SUPV3L1: variants seen among roughly 807,000 people sequenced by gnomAD.
SUPV3L1 encodes the protein ATP-dependent RNA helicase SUPV3L1, mitochondrial.
A neutral mutation model predicts 70.0 loss-of-function variants in SUPV3L1; 35 were observed. That is an observed-to-expected ratio of 0.50 (90% confidence interval 0.38 to 0.66). The LOEUF (loss-of-function observed/expected upper bound fraction) is 0.66. Ranked by LOEUF, SUPV3L1 falls within the 30% of genes least tolerant of loss-of-function variation. The probability of loss-of-function intolerance (pLI) is 0.00; values close to 1 mark genes in which losing one functional copy is unlikely to be tolerated. For missense variants in SUPV3L1, 777 were observed against 961.5 expected (o/e 0.81, Z 2.54); for synonymous variants, 364 against 341.9 (o/e 1.06, Z -0.71).
In SUPV3L1 at chr10:69,199,205, A is replaced by G. The variant is rs760031175; in HGVS notation, c.1298+8A>G. 1.9e-6 allele frequency: 3 copies of G among 1,597,516 alleles called. No homozygotes were observed. The South Asian group carries it at 3.4e-5, about 18-fold the overall frequency. ...TGGCATGGGACTTAATTTGTAAGTA[A>G]TTTGTTTTTAATAAGATGAATATTT... On this transcript the variant is annotated splice_region_variant and intron_variant, in intron 10 of 14. Coordinates refer to ENST00000359655, the MANE Select transcript of SUPV3L1 (RefSeq NM_003171.5).
chr10:69,202,088 C>T (rs1377484865), intron 11 of SUPV3L1, among the ~76,000 whole-genome samples: 2 of 152,134 alleles, frequency 1.3e-5, no homozygotes, highest in Admixed American at 1.3e-4. Context: ...ATCCGCCCAC[C>T]TTGGCCTCCC....
intron 11 of SUPV3L1, 45 bp from the exon 12 acceptor site, chr10:69,202,393 GA>G (rs3215156): frequency 0.027 from 27,932 of 1,043,784 alleles, 7 homozygotes; most frequent in South Asian, 0.04. Context: ...TGTCCTTTTT[GA>G]AAAAAAAAAA....
intron 11 of SUPV3L1, among the ~76,000 whole-genome samples, chr10:69,200,792 A>G (rs1222369418): frequency 6.6e-6 from 1 of 152,204 alleles, no homozygotes; most frequent in Non-Finnish European, 1.5e-5. Context: ...ACAGGGAGAA[A>G]AGCAGTTTCT....
intron 6 of SUPV3L1, among the ~76,000 whole-genome samples, chr10:69,193,582 T>C (rs1842458419): frequency 6.6e-6 from 1 of 152,000 alleles, no homozygotes; most frequent in South Asian, 2.1e-4. Context: ...ACTTTTAAAT[T>C]TTTCTTTTGT....
chr10:69,205,451 T>G (rs572297652), intron 13 of SUPV3L1, among the ~76,000 whole-genome samples: 1 of 152,216 alleles, frequency 6.6e-6, no homozygotes. Flanking sequence ...CATAGCTCAC[T>G]GTAACCCCAA....
intron 4 of SUPV3L1, 44 bp downstream of exon 4, chr10:69,187,800 C>G (rs1842273055): frequency 1.6e-6 from 2 of 1,285,452 alleles, no homozygotes; most frequent in Non-Finnish European, 1.1e-6. Flanking sequence ...AGTTTCTAAT[C>G]TTGGATGATT....
At position 69,197,049 on chromosome 10, in the gene SUPV3L1, T is replaced by C. The variant is rs1205552704; in HGVS notation, c.989T>C (p.Met330Thr). The C allele has an allele frequency of 1.2e-6, 2 of 1,614,148 alleles. No homozygotes were observed. The highest frequency in any genetic ancestry group is 3.3e-5 in the Admixed American group (2 of 60,020). ...CGEPAAIDLV[M>T]ELMYTTGEEV... ...GAACCTGCTGCTATTGACCTGGTGA[T>C]GGAGCTTATGTACACAACGGGGGAG... is the stretch of plus-strand genomic sequence containing the variant. The change falls in exon 8 of 15, where the codon ATG becomes ACG. Residue 330 changes from methionine (M) to threonine (T), a missense_variant. By Grantham distance (81) the Met-to-Thr change is moderately conservative. Around this residue, in one of 2 missense-constraint regions of SUPV3L1, gnomAD observed 619 missense variants for 823.3 expected, o/e 0.75. Coordinates refer to ENST00000359655, the MANE Select transcript of SUPV3L1 (RefSeq NM_003171.5).
chr10:69,190,429 C>CTTTT (rs67423329), intron 5 of SUPV3L1, among the ~76,000 whole-genome samples: 4 of 149,562 alleles, frequency 2.7e-5, no homozygotes, highest in African/African-American at 9.9e-5. Flanking sequence ...TTTGCATTCT[C>CTTTT]TTTTTTTTTT....
chr10:69,181,754 C>T (rs544422513), intron 1 of SUPV3L1, among the ~76,000 whole-genome samples: 1 of 152,076 alleles, frequency 6.6e-6, no homozygotes, highest in Non-Finnish European at 1.5e-5. Context: ...ATAACTGACT[C>T]CTGTGATAAT....
At chr10:69,201,052 G>C (rs1166712344) in intron 11 of SUPV3L1, among the ~76,000 whole-genome samples, 2 of 152,284 alleles carry the variant, frequency 1.3e-5, no homozygotes, top group South Asian at 4.1e-4. Flanking sequence ...TCTCATTTGT[G>C]ACACTAGATG....
chr10:69,190,012 T>A (rs1402957275), intron 5 of SUPV3L1, among the ~76,000 whole-genome samples: 1 of 152,184 alleles, frequency 6.6e-6, no homozygotes, highest in Non-Finnish European at 1.5e-5. Context: ...GCCAGTACAG[T>A]GAATGAAATA....
At position 69,180,271 on chromosome 10, in the gene SUPV3L1, A is replaced by C. The variant is rs768507398; in HGVS notation, c.-21A>C. 2 of 1,605,818 alleles carry C rather than the reference A, an allele frequency of 1.2e-6. No individual in the cohort carries two copies. Among genetic ancestry groups the C allele is most frequent in the African/African-American group, 1.3e-5 (1 of 74,712 alleles). ...CGCCGTGTCCGCGGCTGCGCCAGAC[A>C]GTGTAGAACCTGCGGCCTCGATGTC... On this transcript the variant is annotated 5_prime_UTR_variant, in exon 1 of 15. Transcript: ENST00000359655.
chr10:69,182,777 G>GTTAA, intron 1 of SUPV3L1: 1 of 721,760 alleles, frequency 1.4e-6, no homozygotes, highest in Non-Finnish European at 1.7e-6. Context: ...TAGCCATGTG[G>GTTAA]TTAAGGTGTC....
At chr10:69,189,233 A>C (rs769550587) in intron 4 of SUPV3L1, 34 bp from the exon 5 acceptor site, 1 of 1,576,966 alleles carries the variant, frequency 6.3e-7, no homozygotes, top group East Asian at 2.3e-5. Context: ...TTTTGAGGTT[A>C]ATGGATTAAG....
chr10:69,191,905 C>G, intron 6 of SUPV3L1, 139 bp downstream of exon 6: 1 of 549,754 alleles, frequency 1.8e-6, no homozygotes. Flanking sequence ...CTCCCCAGTT[C>G]AAGCGATTCT....
At chr10:69,203,676 A>C (rs900670465) in intron 13 of SUPV3L1, among the ~76,000 whole-genome samples, 27 of 151,046 alleles carry the variant, frequency 1.8e-4, no homozygotes, top group Non-Finnish European at 3.8e-4. Flanking sequence ...AAAAAAAAAA[A>C]ACAAAACTCT....
chr10:69,180,717 G>C (rs771141621), intron 1 of SUPV3L1, among the ~76,000 whole-genome samples, 155 bp downstream of exon 1: 1 of 152,210 alleles, frequency 6.6e-6, no homozygotes, highest in African/African-American at 2.4e-5. Flanking sequence ...TGGTGTGTGA[G>C]CCCCTCAAAC....
chr10:69,183,998 T>C (rs1298697132), intron 1 of SUPV3L1, among the ~76,000 whole-genome samples: 1 of 152,142 alleles, frequency 6.6e-6, no homozygotes, highest in African/African-American at 2.4e-5. Flanking sequence ...GTAACTGGTT[T>C]CTTTTACTTA....
intron 13 of SUPV3L1, among the ~76,000 whole-genome samples, chr10:69,205,377 A>C (rs1842797504): frequency 6.6e-6 from 1 of 151,360 alleles, no homozygotes; most frequent in African/African-American, 2.4e-5. Context: ...GCAGGTCAAC[A>C]GTTGCTTGTT....
Sources: gnomAD v4.1 joint callset for allele counts (sites outside exome capture counted in the v4.1 genomes callset) on GRCh38, gnomAD v4.1.1 for gene constraint, gnomAD v4.1.1 regional missense constraint, MANE v1.5 for transcripts, NCBI Gene and HGNC (gene_info 2026-07-23, HGNC 2026-07-21) for gene names.